Variants in PTPRQ observed in about 807,000 individuals in gnomAD.
PTPRQ encodes the protein protein tyrosine phosphatase receptor type Q.
Under a neutral mutation model 246.0 loss-of-function variants are expected in PTPRQ, and 199 were observed. The ratio of observed to expected loss-of-function variants is 0.81; its 90% CI spans 0.72 to 0.91. The LOEUF (loss-of-function observed/expected upper bound fraction) is 0.91, where lower values mean the gene tolerates loss of function less well. Ranked by LOEUF, PTPRQ falls within the 40% of genes least tolerant of loss-of-function variation. The probability of loss-of-function intolerance (pLI) is 0.00; values close to 1 mark genes in which losing one functional copy is unlikely to be tolerated. For synonymous variants in PTPRQ, 869 were observed against 853.2 expected (o/e 1.02, Z -0.32); for missense variants, 2,624 against 2,528.4 (o/e 1.04, Z -0.81).
intron 14 of PTPRQ, among the ~76,000 whole-genome samples, chr12:80,501,074 C>A (rs73145185): frequency 0.18 from 26,667 of 151,636 alleles, 2,502 homozygotes; most frequent in Middle Eastern, 0.23. Context: ...CAATTGCCAA[C>A]TTCTTATAGA....
intron 23 of PTPRQ, among the ~76,000 whole-genome samples, chr12:80,544,069 T>C (rs1000956282): frequency 5.3e-5 from 8 of 152,118 alleles, no homozygotes; most frequent in African/African-American, 1.4e-4. Context: ...CTCAGAATGG[T>C]GATCTGTAAC....
chr12:80,637,303 A>C (rs921729145), intron 35 of PTPRQ, among the ~76,000 whole-genome samples: 7 of 152,190 alleles, frequency 4.6e-5, no homozygotes, highest in Non-Finnish European at 1.0e-4. Flanking sequence ...GTTATTTATA[A>C]TTCAGGGTCT....
At chr12:80,526,610 C>G (rs1005975833) in intron 17 of PTPRQ, among the ~76,000 whole-genome samples, 2 of 152,064 alleles carry the variant, frequency 1.3e-5, no homozygotes, top group African/African-American at 4.8e-5. Context: ...CTTTCCACAG[C>G]TTTTTAGAGG....
chr12:80,461,399 C>T (rs1893163403), intron 6 of PTPRQ, among the ~76,000 whole-genome samples: 1 of 152,032 alleles, frequency 6.6e-6, no homozygotes. Flanking sequence ...GTAATAGTAC[C>T]TTCCTTAGGG....
chr12:80,645,564 G>T (rs184275087), intron 35 of PTPRQ, among the ~76,000 whole-genome samples: 34 of 151,166 alleles, frequency 2.2e-4, no homozygotes, highest in Admixed American at 1.9e-3. Context: ...TGTTAATCCT[G>T]CCCCAGCCCT....
At chr12:80,506,487 A>G (rs1894963367) in intron 15 of PTPRQ, 82 bp from the exon 16 acceptor site, 2 of 1,117,728 alleles carry the variant, frequency 1.8e-6, no homozygotes, top group South Asian at 3.2e-5. Context: ...GATTGTGTTG[A>G]CAGCCATTTC....
intron 16 of PTPRQ, among the ~76,000 whole-genome samples, chr12:80,507,286 T>C (rs906984555): frequency 6.6e-6 from 1 of 152,038 alleles, no homozygotes; most frequent in Non-Finnish European, 1.5e-5. Context: ...AGAATATAAC[T>C]TCTGAAAGAT....
chr12:80,659,941 A>G (rs983416883), intron 39 of PTPRQ, among the ~76,000 whole-genome samples: 1 of 152,024 alleles, frequency 6.6e-6, no homozygotes, highest in Non-Finnish European at 1.5e-5. Context: ...TCAGGATGTC[A>G]AGAACAGATG....
chr12:80,573,306 A>G (rs988326144), intron 25 of PTPRQ, among the ~76,000 whole-genome samples: 2 of 152,244 alleles, frequency 1.3e-5, no homozygotes, highest in East Asian at 3.9e-4. Context: ...TGGCTAACAC[A>G]GTGAAACCCC....
At chr12:80,637,254 A>G (rs1454988243) in intron 35 of PTPRQ, among the ~76,000 whole-genome samples, 1 of 152,118 alleles carries the variant, frequency 6.6e-6, no homozygotes, top group Non-Finnish European at 1.5e-5. Context: ...TCAGATCATG[A>G]AAAAGGTGGG....
chr12:80,497,090 G>A (rs757862801), intron 14 of PTPRQ, among the ~76,000 whole-genome samples: 2 of 151,886 alleles, frequency 1.3e-5, no homozygotes, highest in Non-Finnish European at 2.9e-5. Flanking sequence ...CCCTCCCTCC[G>A]GACTAGGGAG....
chr12:80,471,527 G>A (rs1592548059), intron 7 of PTPRQ, among the ~76,000 whole-genome samples: 1 of 25,894 alleles, frequency 3.9e-5, no homozygotes, highest in Non-Finnish European at 7.2e-5. Context: ...GCCCAGGCTG[G>A]AGTGCAGTGG....
chr12:80,527,254 G>C (rs558351640), intron 17 of PTPRQ, among the ~76,000 whole-genome samples: 60 of 152,084 alleles, frequency 3.9e-4, no homozygotes, highest in African/African-American at 1.4e-3. Context: ...TTTATACTAT[G>C]TAAACCCTGT....
intron 9 of PTPRQ, among the ~76,000 whole-genome samples, chr12:80,487,593 C>G (rs1190940548): frequency 1.3e-5 from 2 of 152,040 alleles, no homozygotes; most frequent in Non-Finnish European, 1.5e-5. Context: ...GAACAATTAT[C>G]CTCTCTGTCA....
In PTPRQ at chr12:80,503,447, C is replaced by T. The variant is rs187672769; in HGVS notation, c.2273-2577C>T. Reference sequence around the variant, plus strand: ...TATTAAGTGTGCCTTGACACCATAACCCAATAACTGGTAACAATCAAGGGG... The same window carrying T: ...TATTAAGTGTGCCTTGACACCATAATCCAATAACTGGTAACAATCAAGGGG... On this transcript the variant is annotated intron_variant, in intron 14 of 44. Coordinates refer to ENST00000644991, the MANE Select transcript of PTPRQ (RefSeq NM_001145026.2). Among the ~76,000 whole-genome samples the T allele has an allele frequency of 4.5e-4, 68 of 151,888 alleles. No individual in the cohort carries two copies. In the East Asian group the frequency reaches 0.011, roughly 24 times the overall value.
intron 26 of PTPRQ, among the ~76,000 whole-genome samples, chr12:80,588,692 C>G (rs1897697186): frequency 6.6e-6 from 1 of 152,176 alleles, no homozygotes; most frequent in South Asian, 2.1e-4. Context: ...GTCCTAGAGT[C>G]TCATATTGCA....
At chr12:80,617,965 C>G (rs903295484) in intron 30 of PTPRQ, among the ~76,000 whole-genome samples, 2 of 151,262 alleles carry the variant, frequency 1.3e-5, no homozygotes, top group Admixed American at 1.3e-4. Flanking sequence ...TTCATCTTCC[C>G]TTTTACAGGT....
chr12:80,472,362 T>C, intron 8 of PTPRQ, 111 bp downstream of exon 8: 1 of 1,408,488 alleles, frequency 7.1e-7, no homozygotes, highest in Non-Finnish European at 9.6e-7. Flanking sequence ...AATCATGTTA[T>C]TTCCTTATTA....
rs11114529 is a variant in PTPRQ at position 80,617,089 on chromosome 12, G to A, written c.5230+823G>A. On this transcript the variant is annotated intron_variant, in intron 30 of 44. Transcript: ENST00000644991. ...ATACAGCAGAGCACAGTGATTAAAG[G>A]TGACAGCATTAGGCTGGGTTTAGGG... Among the ~76,000 whole-genome samples, 58 of 151,268 alleles carry A rather than the reference G, an allele frequency of 3.8e-4. No homozygotes were observed. In the East Asian group the frequency reaches 8.8e-3, roughly 23 times the overall value.
Sources: allele counts gnomAD v4.1 joint callset (sites outside exome capture counted in the v4.1 genomes callset), GRCh38; gene constraint gnomAD v4.1.1; transcripts MANE v1.5; gene names NCBI Gene and HGNC (gene_info 2026-07-23, HGNC 2026-07-21).